The following EVI5 variants were observed in gnomAD, a reference collection of about 807,000 sequenced individuals.
The protein encoded by EVI5 is ecotropic viral integration site 5 protein homolog.
Under a neutral mutation model 112.0 loss-of-function variants are expected in EVI5, and 73 were observed. That is an observed-to-expected ratio of 0.65 (90% confidence interval 0.54 to 0.79). EVI5 has a LOEUF of 0.79. EVI5 is among the 30% of genes least tolerant of loss of function. The probability of loss-of-function intolerance (pLI) is 0.00; values close to 1 mark genes in which losing one functional copy is unlikely to be tolerated. For missense variants in EVI5, 900 were observed against 968.8 expected, an observed-to-expected ratio of 0.93 and a Z score of 0.94; for synonymous variants, 305 against 319.9, an observed-to-expected ratio of 0.95 and a Z score of 0.50.
chr1:92,627,945 T>C (rs532613927), intron 14 of EVI5, among the ~76,000 whole-genome samples: 47 of 152,114 alleles, frequency 3.1e-4, no homozygotes, highest in African/African-American at 1.0e-3. Flanking sequence ...CCGGCCACCA[T>C]GCCTGGCTAA....
Position 92,513,895 on chromosome 1 carries a change from T to G in EVI5, c.2242A>C (p.Ile748Leu). 3.1e-6 allele frequency: 5 copies of G among 1,610,108 alleles called. No homozygotes were observed. Among genetic ancestry groups the G allele is most frequent in the Non-Finnish European group, 4.2e-6 (5 of 1,177,338 alleles). The stretch of plus-strand genomic sequence containing the variant: ...GAATGGAATGATTCATCATCTCCTA[T>G]TAAATGGTTGACAATGTGGATTCCA... Reference protein sequence around the residue: ...FDGIHIVNHLIGDDESFHSSD... With the variant: ...FDGIHIVNHLLGDDESFHSSD... Residue 748 changes from isoleucine to leucine, a missense_variant, in exon 20 of 20, where the codon ATA becomes CTA. Ile to Leu is a conservative substitution (Grantham distance 5). Coordinates refer to ENST00000684568, the MANE Select transcript of EVI5 (RefSeq NM_001350197.2).
intron 4 of EVI5, among the ~76,000 whole-genome samples, chr1:92,702,499 A>G (rs1424550350): frequency 6.6e-6 from 1 of 151,902 alleles, no homozygotes; most frequent in East Asian, 1.9e-4. Flanking sequence ...AATTTGTAAC[A>G]GGGCTTAAAA....
chr1:92,732,829 G>C (rs1676702831), intron 2 of EVI5, among the ~76,000 whole-genome samples: 1 of 146,798 alleles, frequency 6.8e-6, no homozygotes, highest in Non-Finnish European at 1.5e-5. Flanking sequence ...GAACCCAGGA[G>C]GCAGACATTG....
At chr1:92,749,723 C>T (rs1679886003) in intron 1 of EVI5, among the ~76,000 whole-genome samples, 1 of 152,148 alleles carries the variant, frequency 6.6e-6, no homozygotes, top group South Asian at 2.1e-4. Flanking sequence ...AACTCCCTCC[C>T]CATTTAGAGC....
chr1:92,525,871 C>A (rs2101786539), intron 19 of EVI5, among the ~76,000 whole-genome samples: 1 of 152,204 alleles, frequency 6.6e-6, no homozygotes, highest in African/African-American at 2.4e-5. Flanking sequence ...TTTTCTTAGA[C>A]CAGATATCCA....
chr1:92,665,822 A>G lies in EVI5; in HGVS notation c.1212+117T>C. ...AATAAATAGTAAGGTAAGCAAGCTA[A>G]GCAGTCAATACTACAACATAGGAGA... On this transcript the variant is annotated intron_variant, in intron 11 of 19. Transcript: ENST00000684568. 9.7e-6 allele frequency: 6 copies of G among 620,844 alleles called. No homozygotes were observed. In the South Asian group the frequency reaches 1.1e-4, roughly 12 times the overall value. 38.5% of individuals were successfully genotyped at this position (620,844 alleles called of 1,614,324 possible).
chr1:92,550,327 TCA>T (rs1050750020), intron 19 of EVI5, among the ~76,000 whole-genome samples: 1 of 105,602 alleles, frequency 9.5e-6, no homozygotes, highest in Admixed American at 1.4e-4. Context: ...AAGGGGAACA[TCA>T]CACACTGGGG....
intron 13 of EVI5, among the ~76,000 whole-genome samples, chr1:92,636,886 GCTC>G (rs1177875807): frequency 2.0e-5 from 3 of 150,920 alleles, no homozygotes; most frequent in African/African-American, 7.3e-5. Flanking sequence ...ACCTTTTTTT[GCTC>G]CTTTTAATGT....
At chr1:92,780,953 G>A (rs1684782590) in intron 1 of EVI5, among the ~76,000 whole-genome samples, 1 of 151,466 alleles carries the variant, frequency 6.6e-6, no homozygotes, top group Non-Finnish European at 1.5e-5. Flanking sequence ...CTAGGTTCAA[G>A]CGATTCTCCT....
intron 1 of EVI5, among the ~76,000 whole-genome samples, chr1:92,775,426 CAAA>C (rs35191247): frequency 5.0e-5 from 5 of 100,238 alleles, no homozygotes; most frequent in Admixed American, 1.0e-4. Flanking sequence ...GACTGCATTT[CAAA>C]AAAAAAAAAA....
rs200063630 is a variant in EVI5, at chr1:92,513,510, AATATATATATATATATATATATATAT to A, written c.*120_*145del. On this transcript the variant is annotated 3_prime_UTR_variant, in exon 20 of 20. Transcript: ENST00000684568. Reference sequence around the variant, plus strand: ...GATAAAAAGGCAGATAAGACTGTAAAATATATATATATATATATATATATATATATATATATATATATATATATATA... The same window carrying A: ...GATAAAAAGGCAGATAAGACTGTAAAATATATATATATATATATATATATA... 2.1e-3 allele frequency: 356 copies of A among 172,818 alleles called. 1 individual carries two copies. Among genetic ancestry groups the A allele is most frequent in the East Asian group, 2.9e-3 (29 of 10,002 alleles). 10.7% of individuals were successfully genotyped at this position (172,818 alleles called of 1,614,324 possible). A position where few individuals can be genotyped will look rare whatever the true frequency, so the allele number is the denominator to read the frequency against.
intron 13 of EVI5, among the ~76,000 whole-genome samples, chr1:92,637,827 A>T (rs1659193093): frequency 1.1e-5 from 1 of 92,834 alleles, no homozygotes; most frequent in Admixed American, 1.2e-4. Context: ...CTCCTGCCCC[A>T]GTTACCAAAA....
Position 92,765,253 on chromosome 1 carries a change from C to G in EVI5, c.-82+19583G>C, listed in dbSNP as rs542028629. On this transcript the variant is annotated intron_variant, in intron 1 of 19. Coordinates refer to ENST00000684568, the MANE Select transcript of EVI5 (RefSeq NM_001350197.2). ...TTTTTTTAATAGAGACAGGGTCTCA[C>G]CATGTTGCCCAGGCTGGTCTTGAAC... Among the ~76,000 whole-genome samples the G allele has an allele frequency of 1.5e-4, 20 of 135,114 alleles. No homozygotes were observed. In the South Asian group the frequency reaches 4.8e-3, roughly 32 times the overall value. The allele number at this position is 135,114 out of a possible 152,430, so 88.6% of individuals were successfully genotyped here.
At chr1:92,741,476 C>A (rs1373098486) in intron 1 of EVI5, among the ~76,000 whole-genome samples, 1 of 152,108 alleles carries the variant, frequency 6.6e-6, no homozygotes, top group East Asian at 1.9e-4. Context: ...ATTCCTAAAG[C>A]CTGCAGATTC....
At chr1:92,549,507 T>C (rs1457184982) in intron 19 of EVI5, among the ~76,000 whole-genome samples, 1 of 151,588 alleles carries the variant, frequency 6.6e-6, no homozygotes, top group Non-Finnish European at 1.5e-5. Flanking sequence ...TGGGATCTAA[T>C]TAAACTAAAG....
intron 18 of EVI5, among the ~76,000 whole-genome samples, chr1:92,591,138 G>A (rs1673797538): frequency 6.6e-6 from 1 of 152,154 alleles, no homozygotes; most frequent in African/African-American, 2.4e-5. Flanking sequence ...AGGAACAACT[G>A]ATACCAGCCA....
At chr1:92,558,230 T>C (rs1383378112) in intron 19 of EVI5, among the ~76,000 whole-genome samples, 1 of 152,132 alleles carries the variant, frequency 6.6e-6, no homozygotes, top group Non-Finnish European at 1.5e-5. Context: ...TTGGGAGAAC[T>C]TCAGAACTTG....
At chr1:92,778,159 A>T (rs530913197) in intron 1 of EVI5, among the ~76,000 whole-genome samples, 1 of 152,188 alleles carries the variant, frequency 6.6e-6, no homozygotes, top group African/African-American at 2.4e-5. Flanking sequence ...TGCCTGCCTC[A>T]GCCTCCCAAA....
At chr1:92,595,824 AAGT>A (rs1222256698) in intron 18 of EVI5, among the ~76,000 whole-genome samples, 9 of 152,228 alleles carry the variant, frequency 5.9e-5, no homozygotes, top group Non-Finnish European at 1.0e-4. Context: ...GAAAAATTTT[AAGT>A]AATGAACAGG....
Sources: allele counts gnomAD v4.1 joint callset (sites outside exome capture counted in the v4.1 genomes callset), GRCh38; gene constraint gnomAD v4.1.1; transcripts MANE v1.5; gene names NCBI Gene and HGNC (gene_info 2026-07-23, HGNC 2026-07-21).